The following TRPM3 variants were observed in gnomAD, a reference collection of about 807,000 sequenced individuals.
TRPM3 encodes the protein long transient receptor potential channel 3.
TRPM3 carries 77 observed loss-of-function variants against 181.2 expected under a neutral mutation model. The ratio of observed to expected loss-of-function variants is 0.42; its 90% CI spans 0.35 to 0.51. The LOEUF (loss-of-function observed/expected upper bound fraction) is 0.51. TRPM3 is among the 20% of genes least tolerant of loss of function. TRPM3 has a pLI of 0.01. For missense variants in TRPM3, 1,759 were observed against 2,196.7 expected, an observed-to-expected ratio of 0.80 and a Z score of 3.98; for synonymous variants, 745 against 796.4, an observed-to-expected ratio of 0.94 and a Z score of 1.09.
chr9:70,995,330 C>G (rs527700069), intron 1 of TRPM3, among the ~76,000 whole-genome samples: 1 of 152,310 alleles, frequency 6.6e-6, no homozygotes, highest in South Asian at 2.1e-4. Context: ...CAAATTTTCT[C>G]TAGTTCAGGG....
intron 1 of TRPM3, among the ~76,000 whole-genome samples, chr9:70,891,858 T>C (rs1000546172): frequency 6.6e-6 from 1 of 152,190 alleles, no homozygotes; most frequent in African/African-American, 2.4e-5. Context: ...TCTGAAGATT[T>C]GCTGAAGACC....
chr9:71,427,712 C>T lies in TRPM3; in HGVS notation c.183+18941G>A, dbSNP rs1176619763. 2.6e-5 allele frequency among the ~76,000 whole-genome samples: 4 copies of T among 152,114 alleles called. No homozygotes were observed. The East Asian group carries it at 7.7e-4, about 29-fold the overall frequency. ...CCAAGTGCGAGCTAAACATTGGGTA[C>T]AAATGGACATAAAGATGGAAACAGT... On this transcript the variant is annotated intron_variant, in intron 1 of 24. Transcript: ENST00000357533.
intron 1 of TRPM3, among the ~76,000 whole-genome samples, chr9:70,910,865 A>ATAT (rs1481179123): frequency 6.6e-6 from 1 of 152,206 alleles, no homozygotes; most frequent in Non-Finnish European, 1.5e-5. Context: ...TAAAGGGAAT[A>ATAT]TATGGCTTTC....
chr9:71,207,839 T>A (rs1401076624), intron 1 of TRPM3, among the ~76,000 whole-genome samples: 2 of 152,182 alleles, frequency 1.3e-5, no homozygotes, highest in Non-Finnish European at 2.9e-5. Flanking sequence ...TATTTCAATC[T>A]CTTTTACTTT....
At chr9:71,016,522 T>G (rs1329465340) in intron 1 of TRPM3, among the ~76,000 whole-genome samples, 1 of 152,200 alleles carries the variant, frequency 6.6e-6, no homozygotes, top group Admixed American at 6.5e-5. Context: ...ATTTGTCCTT[T>G]TATGACTGAC....
intron 1 of TRPM3, among the ~76,000 whole-genome samples, chr9:71,302,939 C>T (rs985937419): frequency 3.3e-5 from 5 of 152,000 alleles, no homozygotes; most frequent in Admixed American, 2.0e-4. Flanking sequence ...GAAGATATCT[C>T]GTGGCCACAG....
chr9:71,155,599 C>A (rs1194300183), intron 1 of TRPM3, among the ~76,000 whole-genome samples: 1 of 151,424 alleles, frequency 6.6e-6, no homozygotes. Context: ...AGGTGATCCA[C>A]CTGCCTCAGC....
At chr9:71,049,175 T>C (rs776902329) in intron 1 of TRPM3, among the ~76,000 whole-genome samples, 1 of 152,222 alleles carries the variant, frequency 6.6e-6, no homozygotes, top group East Asian at 1.9e-4. Flanking sequence ...GCAGGCATTA[T>C]ACATGACTCC....
At chr9:71,047,449 G>T (rs189900842) in intron 1 of TRPM3, among the ~76,000 whole-genome samples, 11 of 151,930 alleles carry the variant, frequency 7.2e-5, no homozygotes, top group Admixed American at 5.2e-4. Flanking sequence ...TATTTTACTT[G>T]AATGTCCCAG....
intron 1 of TRPM3, among the ~76,000 whole-genome samples, chr9:71,392,366 G>A (rs1241886020): frequency 1.3e-5 from 2 of 152,086 alleles, no homozygotes; most frequent in South Asian, 2.1e-4. Context: ...GGACAATGTG[G>A]GTAGGGAATG....
chr9:70,817,397 T>C (rs2092788823), intron 6 of TRPM3, among the ~76,000 whole-genome samples: 1 of 152,150 alleles, frequency 6.6e-6, no homozygotes, highest in African/African-American at 2.4e-5. Context: ...GGAGATGAAA[T>C]GAGTCCTCAC....
chr9:70,641,262 A>G (rs1252830474), intron 9 of TRPM3, among the ~76,000 whole-genome samples: 1 of 152,176 alleles, frequency 6.6e-6, no homozygotes, highest in Non-Finnish European at 1.5e-5. Flanking sequence ...CCACTAAACC[A>G]GAATCCGTAT....
intron 1 of TRPM3, among the ~76,000 whole-genome samples, chr9:70,970,897 C>G (rs78194671): frequency 0.11 from 16,535 of 152,128 alleles, 1,033 homozygotes; most frequent in Non-Finnish European, 0.14. Context: ...AGATACAGGT[C>G]CATGATATGA....
Position 71,062,502 on chromosome 9 carries a change from C to T in TRPM3, c.177+58676G>A, listed in dbSNP as rs546954996. ...AAAACAGATTTTTCAAAACATATGC[C>T]AACTTCACTACAGCCAGTGGAGTGA... On this transcript the variant is annotated intron_variant, in intron 1 of 25. Transcript: ENST00000677713. 3.6e-3 allele frequency among the ~76,000 whole-genome samples: 555 copies of T among 152,186 alleles called. 2 individuals are homozygous for T. Among genetic ancestry groups the T allele is most frequent in the Middle Eastern group, 0.014 (4 of 294 alleles).
chr9:71,232,832 A>G (rs1377649712), intron 1 of TRPM3, among the ~76,000 whole-genome samples: 2 of 152,048 alleles, frequency 1.3e-5, no homozygotes, highest in African/African-American at 4.8e-5. Flanking sequence ...CTTCTCCCTT[A>G]CTGGTTCACA....
intron 1 of TRPM3, among the ~76,000 whole-genome samples, chr9:70,894,843 A>G (rs1010567347): frequency 1.3e-5 from 2 of 152,160 alleles, no homozygotes; most frequent in Non-Finnish European, 2.9e-5. Flanking sequence ...AGAAGCTTAC[A>G]TTTTAGTGTC....
At chr9:71,445,245 A>C (rs750556967) in intron 1 of TRPM3, among the ~76,000 whole-genome samples, 1 of 152,230 alleles carries the variant, frequency 6.6e-6, no homozygotes, top group Non-Finnish European at 1.5e-5. Context: ...TAACACTTAG[A>C]CTTCCTATTA....
chr9:71,213,487 A>G (rs1264157101), intron 1 of TRPM3, among the ~76,000 whole-genome samples: 1 of 152,222 alleles, frequency 6.6e-6, no homozygotes, highest in Admixed American at 6.5e-5. Context: ...CCTTGGAATG[A>G]TATCATAAAT....
chr9:71,042,392 C>T (rs2058930398), intron 1 of TRPM3, among the ~76,000 whole-genome samples: 2 of 152,138 alleles, frequency 1.3e-5, no homozygotes. Context: ...TTATTTGTTG[C>T]TGTTTTACAT....
Sources: gnomAD v4.1 joint callset for allele counts (sites outside exome capture counted in the v4.1 genomes callset) on GRCh38, gnomAD v4.1.1 for gene constraint, MANE v1.5 for transcripts, NCBI Gene and HGNC (gene_info 2026-07-23, HGNC 2026-07-21) for gene names.